EPB41L3: variants seen among roughly 807,000 people sequenced by gnomAD.
The protein encoded by EPB41L3 is band 4.1-like protein 3.
EPB41L3 carries 57 observed loss-of-function variants against 127.1 expected under a neutral mutation model. That is an observed-to-expected ratio of 0.45 (90% confidence interval 0.36 to 0.56). The LOEUF is 0.56. Ranked by LOEUF, EPB41L3 falls within the 20% of genes least tolerant of loss-of-function variation. The pLI, the probability that EPB41L3 is intolerant of heterozygous loss-of-function variation, is 0.00. For synonymous variants in EPB41L3, 572 were observed against 549.5 expected (o/e 1.04, Z -0.57); for missense variants, 1,273 against 1,372.2 (o/e 0.93, Z 1.14).
intron 1 of EPB41L3, chr18:5,540,462 A>G (rs1390395207): frequency 2.3e-5 from 23 of 985,324 alleles, no homozygotes; most frequent in Non-Finnish European, 2.5e-5. Context: ...TTTGAGCCAT[A>G]GTGATGTCAC....
chr18:5,472,029 TTA>T (rs1473377829), intron 3 of EPB41L3, among the ~76,000 whole-genome samples: 12 of 152,150 alleles, frequency 7.9e-5, no homozygotes, highest in African/African-American at 2.7e-4. Context: ...CTCCTACTGT[TTA>T]TATTTCTTGA....
chr18:5,554,513 A>C (rs2094007282), intron 3 of EPB41L3, among the ~76,000 whole-genome samples: 1 of 152,158 alleles, frequency 6.6e-6, no homozygotes, highest in South Asian at 2.1e-4. Context: ...AATGTGACAT[A>C]GTTATATGCA....
intron 16 of EPB41L3, among the ~76,000 whole-genome samples, chr18:5,402,194 A>C (rs1479418380): frequency 6.6e-6 from 1 of 150,854 alleles, no homozygotes; most frequent in Non-Finnish European, 1.5e-5. Flanking sequence ...CAACAACAAA[A>C]ATCTCTATCC....
At chr18:5,608,385 A>T (rs1038458254) in intron 3 of EPB41L3, among the ~76,000 whole-genome samples, 1 of 152,212 alleles carries the variant, frequency 6.6e-6, no homozygotes, top group African/African-American at 2.4e-5. Flanking sequence ...TCCCCAAATG[A>T]GAAGACCCCT....
chr18:5,561,090 G>C (rs1054244642), intron 3 of EPB41L3, among the ~76,000 whole-genome samples: 3 of 148,354 alleles, frequency 2.0e-5, no homozygotes, highest in Non-Finnish European at 3.0e-5. Flanking sequence ...CCATTCTCCT[G>C]CCTCAGCCTC....
intron 1 of EPB41L3, among the ~76,000 whole-genome samples, chr18:5,516,163 C>T (rs1194297286): frequency 6.6e-6 from 1 of 152,214 alleles, no homozygotes; most frequent in East Asian, 1.9e-4. Flanking sequence ...GGGGCAGATA[C>T]TCCCGAAACT....
At chr18:5,624,813 A>C (rs1045621061) in intron 1 of EPB41L3, among the ~76,000 whole-genome samples, 1 of 152,210 alleles carries the variant, frequency 6.6e-6, no homozygotes, top group African/African-American at 2.4e-5. Context: ...CAAAGAATAA[A>C]TACATGAGAA....
chr18:5,457,084 T>A (rs1357123351), intron 3 of EPB41L3, among the ~76,000 whole-genome samples: 1 of 152,202 alleles, frequency 6.6e-6, no homozygotes, highest in East Asian at 1.9e-4. Flanking sequence ...CATTTGCAAA[T>A]GGTAGTAAAT....
At chr18:5,506,495 G>A (rs981209826) in intron 1 of EPB41L3, among the ~76,000 whole-genome samples, 3 of 152,164 alleles carry the variant, frequency 2.0e-5, no homozygotes, top group South Asian at 2.1e-4. Flanking sequence ...CCTTCTCAGC[G>A]AGGCCTTCCC....
chr18:5,575,626 C>T (rs991975559), intron 3 of EPB41L3, among the ~76,000 whole-genome samples: 3 of 152,114 alleles, frequency 2.0e-5, no homozygotes, highest in African/African-American at 7.2e-5. Context: ...CACCTGAGGT[C>T]AGGAGTTCGA....
At chr18:5,506,328 C>T (rs1388979010) in intron 1 of EPB41L3, among the ~76,000 whole-genome samples, 3 of 152,148 alleles carry the variant, frequency 2.0e-5, no homozygotes, top group African/African-American at 4.8e-5. Context: ...CCTGAAAGAG[C>T]GCTACTCCAA....
rs373370004 is a variant in EPB41L3, at chr18:5,445,677, C to T, written c.382-433G>A. Among the ~76,000 whole-genome samples, 42 of 152,296 alleles carry T rather than the reference C, an allele frequency of 2.8e-4. No individual in the cohort carries two copies. In the East Asian group the frequency reaches 7.3e-3, roughly 27 times the overall value. On this transcript the variant is annotated intron_variant, in intron 3 of 22. Transcript: ENST00000341928. ...AATTATCTAGATCAGGAGTCCTCAG[C>T]CCCTGGGCCATGGACGGTTACTGGT...
rs1319401979 is a variant in EPB41L3, at chr18:5,603,553, C to T, written c.-306+8787G>A. Among the ~76,000 whole-genome samples the T allele has an allele frequency of 2.0e-5, 3 of 152,294 alleles. 1 individual carries two copies. Among genetic ancestry groups the T allele is most frequent in the Non-Finnish European group, 4.4e-5 (3 of 68,022 alleles). On this transcript the variant is annotated intron_variant, in intron 3 of 21. Coordinates refer to the EPB41L3 transcript ENST00000545076. ...ACGGGTTTTGCCAGGAGTGCCTCTC[C>T]TTTCAATGGATATAAGTCAGCAACT... is the stretch of plus-strand genomic sequence containing the variant.
chr18:5,620,445 G>C (rs538907592), intron 1 of EPB41L3, among the ~76,000 whole-genome samples: 48 of 152,252 alleles, frequency 3.2e-4, no homozygotes, highest in African/African-American at 1.1e-3. Flanking sequence ...TTTTCACTTA[G>C]TGAAAATATT....
In EPB41L3 at chr18:5,564,254, G is replaced by T. The variant is rs181038526; in HGVS notation, c.-306+48086C>A. On this transcript the variant is annotated intron_variant, in intron 3 of 21. Coordinates refer to the EPB41L3 transcript ENST00000545076. Reference sequence around the variant, plus strand: ...GATACTACTACTAATAATAATAATTGCTATGTTTTACTGATGTCTTACAGG... The same window carrying T: ...GATACTACTACTAATAATAATAATTTCTATGTTTTACTGATGTCTTACAGG... Among the ~76,000 whole-genome samples the T allele has an allele frequency of 1.3e-3, 195 of 152,210 alleles. 1 individual carries two copies. The highest frequency in any genetic ancestry group is 4.5e-3 in the African/African-American group (188 of 41,520).
intron 1 of EPB41L3, among the ~76,000 whole-genome samples, chr18:5,495,896 G>A (rs960464766): frequency 3.3e-5 from 5 of 152,162 alleles, no homozygotes; most frequent in African/African-American, 4.8e-5. Context: ...GAAATGTTGC[G>A]AAGTGAAGAC....
At chr18:5,577,247 A>G (rs2094345042) in intron 3 of EPB41L3, 1 of 336,652 alleles carries the variant, frequency 3.0e-6, no homozygotes, top group South Asian at 2.4e-5. Flanking sequence ...TTGTTTAAAT[A>G]TGTATCCAAT....
At chr18:5,452,148 T>C (rs967598404) in intron 3 of EPB41L3, among the ~76,000 whole-genome samples, 2 of 152,136 alleles carry the variant, frequency 1.3e-5, no homozygotes, top group African/African-American at 4.8e-5. Context: ...CTGGCTGACA[T>C]CTGCATTTTT....
chr18:5,534,133 A>C (rs1366871272), intron 1 of EPB41L3, among the ~76,000 whole-genome samples: 2 of 152,256 alleles, frequency 1.3e-5, no homozygotes, highest in Non-Finnish European at 2.9e-5. Context: ...ACTGCACTCC[A>C]GCCTGGGTGA....
Sources: allele counts gnomAD v4.1 joint callset (sites outside exome capture counted in the v4.1 genomes callset), GRCh38; gene constraint gnomAD v4.1.1; transcripts MANE v1.5; gene names NCBI Gene and HGNC (gene_info 2026-07-23, HGNC 2026-07-21).